The following DERA variants were observed in gnomAD, a reference collection of about 807,000 sequenced individuals.
DERA encodes deoxyribose-phosphate aldolase.
Under a neutral mutation model 41.1 loss-of-function variants are expected in DERA, and 15 were observed. The ratio of observed to expected loss-of-function variants is 0.37; its 90% CI spans 0.24 to 0.56. The LOEUF is 0.56. Among genes scored for constraint, DERA ranks in the 20% least tolerant of loss-of-function variants. DERA has a pLI of 0.81. For missense variants in DERA, 396 were observed against 403.4 expected, an observed-to-expected ratio of 0.98 and a Z score of 0.16; for synonymous variants, 139 against 137.4, an observed-to-expected ratio of 1.01 and a Z score of -0.08.
chr12:15,946,745 A>T (rs904524512), intron 1 of DERA, among the ~76,000 whole-genome samples: 3 of 151,878 alleles, frequency 2.0e-5, no homozygotes, highest in Non-Finnish European at 4.4e-5. Flanking sequence ...CTCTGATCTC[A>T]GTTATTTTTT....
At chr12:15,963,844 C>T (rs1456462719) in intron 5 of DERA, among the ~76,000 whole-genome samples, 1 of 152,084 alleles carries the variant, frequency 6.6e-6, no homozygotes, top group African/African-American at 2.4e-5. Flanking sequence ...GCCTATTTCT[C>T]ATGGGTATTT....
In DERA at chr12:16,032,011, C is replaced by T. The variant is rs116064114; in HGVS notation, c.638-531C>T. ...AAGATATTTGCAAGGTATGAAATAG[C>T]GTGGTCTCTTTCATGGAAATGCTAA... On this transcript the variant is annotated intron_variant, in intron 6 of 8. Transcript: ENST00000428559. Among the ~76,000 whole-genome samples, 363 of 152,206 alleles carry T rather than the reference C, an allele frequency of 2.4e-3. 1 individual carries two copies. The highest frequency in any genetic ancestry group is 8.2e-3 in the African/African-American group (340 of 41,526).
intron 1 of DERA, among the ~76,000 whole-genome samples, chr12:15,953,641 A>T (rs778961907): frequency 2.6e-5 from 4 of 152,188 alleles, no homozygotes; most frequent in South Asian, 2.1e-4. Flanking sequence ...AGGCATGTGT[A>T]CTTAAAACCC....
At chr12:16,005,754 G>T (rs567417463) in intron 6 of DERA, among the ~76,000 whole-genome samples, 1 of 152,176 alleles carries the variant, frequency 6.6e-6, no homozygotes, top group Non-Finnish European at 1.5e-5. Flanking sequence ...GTATGGCTAA[G>T]TTCTTCTCGT....
intron 1 of DERA, among the ~76,000 whole-genome samples, chr12:15,945,127 C>T (rs1948437272): frequency 6.6e-6 from 1 of 152,248 alleles, no homozygotes; most frequent in Admixed American, 6.5e-5. Context: ...GTTTTGGTTA[C>T]TGTAGCCTTG....
rs1217679325 is a variant in DERA at position 15,995,740 on chromosome 12, A to C, written c.637+13304A>C. 2.0e-5 allele frequency among the ~76,000 whole-genome samples: 3 copies of C among 152,184 alleles called. No homozygotes were observed. In the South Asian group the frequency reaches 6.2e-4, roughly 32 times the overall value. On this transcript the variant is annotated intron_variant, in intron 6 of 8. Coordinates refer to ENST00000428559, the MANE Select transcript of DERA (RefSeq NM_015954.4). The surrounding 1 kb of genome is among the most constrained non-coding windows in gnomAD (Gnocchi z 5.1). ...GGAAGTCACAGCACAGGATGAGATA[A>C]ATTGAACCCTTCTCATGAAGAGTGG...
chr12:16,023,517 A>G (rs1323518815), intron 6 of DERA, among the ~76,000 whole-genome samples: 3 of 125,202 alleles, frequency 2.4e-5, no homozygotes, highest in South Asian at 2.4e-4. Context: ...TCGCTCTGTC[A>G]CCCAGGCTGG....
intron 1 of DERA, among the ~76,000 whole-genome samples, chr12:15,926,597 G>C (rs972927127): frequency 6.6e-6 from 1 of 152,056 alleles, no homozygotes; most frequent in African/African-American, 2.4e-5. Context: ...TTAGCCGGGC[G>C]TGGTGGCGGG....
chr12:16,026,962 A>G lies in DERA; in HGVS notation c.638-5580A>G, dbSNP rs1247229022. ...ATGTATAAAACTAATTATATGCCAC[A>G]ACCAAGTGTGATTTATTCCAGGTAT... On this transcript the variant is annotated intron_variant, in intron 6 of 8. Coordinates refer to ENST00000428559, the MANE Select transcript of DERA (RefSeq NM_015954.4). This position sits in a 1 kb window ranked among gnomAD's most constrained non-coding sequence, Gnocchi z 4.4. Among the ~76,000 whole-genome samples, 1 of 152,180 alleles carries G rather than the reference A, an allele frequency of 6.6e-6. No homozygotes were observed. Among genetic ancestry groups the G allele is most frequent in the East Asian group, 1.9e-4 (1 of 5,202 alleles).
chr12:16,023,977 A>T (rs1044512421), intron 6 of DERA, among the ~76,000 whole-genome samples: 6 of 152,230 alleles, frequency 3.9e-5, no homozygotes, highest in African/African-American at 1.2e-4. Flanking sequence ...AAATGCTAGA[A>T]ATCAGAAACA....
At chr12:15,929,860 C>A (rs1478781452) in intron 1 of DERA, among the ~76,000 whole-genome samples, 1 of 152,122 alleles carries the variant, frequency 6.6e-6, no homozygotes, top group African/African-American at 2.4e-5. Context: ...AGTTTGAGCC[C>A]ATCCTGATTA....
At chr12:15,955,657 C>G (rs1014027691) in intron 1 of DERA, among the ~76,000 whole-genome samples, 3 of 152,162 alleles carry the variant, frequency 2.0e-5, no homozygotes, top group African/African-American at 7.2e-5. Context: ...TAAATAAGAT[C>G]ATTATTAATC....
Position 16,021,109 on chromosome 12 carries a change from C to T in DERA, c.638-11433C>T, listed in dbSNP as rs1446641733. 6.6e-6 allele frequency among the ~76,000 whole-genome samples: 1 copy of T among 152,188 alleles called. No homozygotes were observed. The highest frequency in any genetic ancestry group is 6.5e-5 in the Admixed American group (1 of 15,268). ...AGAGATTAGCTTGTCTAAAAGGGAG[C>T]CAAGTGCTCATATATAAGACTGTGG... On this transcript the variant is annotated intron_variant, in intron 6 of 8. Coordinates refer to ENST00000428559, the MANE Select transcript of DERA (RefSeq NM_015954.4). The surrounding 1 kb of genome is among the most constrained non-coding windows in gnomAD (Gnocchi z 5.3).
intron 1 of DERA, among the ~76,000 whole-genome samples, chr12:15,942,704 AAG>A (rs1462166222): frequency 6.6e-6 from 1 of 152,116 alleles, no homozygotes; most frequent in Non-Finnish European, 1.5e-5. Flanking sequence ...GAGAGTGGGG[AAG>A]AGAGTCAAGT....
At chr12:16,006,506 T>C (rs1301310936) in intron 6 of DERA, among the ~76,000 whole-genome samples, 1 of 152,224 alleles carries the variant, frequency 6.6e-6, no homozygotes. Flanking sequence ...GAAACTCAAC[T>C]ACCCTCTCTC....
chr12:15,958,139 G>T, intron 2 of DERA, 49 bp from the exon 3 acceptor site: 2 of 1,487,334 alleles, frequency 1.3e-6, no homozygotes, highest in Non-Finnish European at 1.8e-6. Flanking sequence ...AGGTTGGTTG[G>T]TTTGTTTATT....
chr12:15,962,742 C>CTA, intron 4 of DERA, 71 bp from the exon 5 acceptor site: 1 of 1,369,070 alleles, frequency 7.3e-7, no homozygotes, highest in Non-Finnish European at 9.9e-7. Context: ...TTTGTTTTCC[C>CTA]CTCCCCCCCT....
intron 1 of DERA, among the ~76,000 whole-genome samples, chr12:15,956,428 A>G (rs1224858753): frequency 2.0e-5 from 3 of 152,214 alleles, no homozygotes; most frequent in Non-Finnish European, 2.9e-5. Flanking sequence ...TTTTCTTTGA[A>G]GAAAGAATGG....
Position 16,032,529 on chromosome 12 carries a change from CTT to C in DERA, c.638-9_638-8del, listed in dbSNP as rs57961487. ...CTTTAATTAACATGGAGTTTTTCCT[CTT>C]TTTGTTTTAGGATCAGATTTTATTA... On this transcript the variant is annotated splice_polypyrimidine_tract_variant and intron_variant, in intron 6 of 8. Coordinates refer to ENST00000428559, the MANE Select transcript of DERA (RefSeq NM_015954.4). 0.58 allele frequency: 795,161 copies of C among 1,382,446 alleles called. 239,077 individuals carry two copies. Among genetic ancestry groups the C allele is most frequent in the Non-Finnish European group, 0.62 (645,962 of 1,039,316 alleles). 85.6% of individuals were successfully genotyped at this position (1,382,446 alleles called of 1,614,324 possible).
Sources: gnomAD v4.1 joint callset for allele counts (sites outside exome capture counted in the v4.1 genomes callset) on GRCh38, gnomAD v4.1.1 for gene constraint, Gnocchi (gnomAD v3.1) non-coding constraint, MANE v1.5 for transcripts, NCBI Gene and HGNC (gene_info 2026-07-23, HGNC 2026-07-21) for gene names.